EDAR: variants seen among roughly 807,000 people sequenced by gnomAD.
The protein encoded by EDAR is ectodysplasin A receptor.
EDAR carries 38 observed loss-of-function variants against 51.3 expected under a neutral mutation model. The observed-to-expected ratio is 0.74, with a 90% CI of 0.57 to 0.97. The LOEUF is 0.97. Among genes scored for constraint, EDAR ranks in the 50% least tolerant of loss-of-function variants. The pLI, the probability that EDAR is intolerant of heterozygous loss-of-function variation, is 0.00. For missense variants in EDAR, 528 were observed against 595.0 expected (o/e 0.89, Z 1.17); for synonymous variants, 227 against 242.1 (o/e 0.94, Z 0.58).
In EDAR at chr2:108,908,000, C is replaced by T; in HGVS notation, c.823G>A (p.Glu275Lys). The T allele has an allele frequency of 6.2e-7, 1 of 1,610,012 alleles. No individual in the cohort carries two copies. The highest frequency in any genetic ancestry group is 8.5e-7 in the Non-Finnish European group (1 of 1,176,852). ...PTKSENDASS[E>K]NEQLLSRSVD... ...CTCCGGCTCAGCAGCTGCTCATTCT[C>T]GGATGAGGCATCGTTCTCGCTGCAA... Residue 275 changes from glutamate (E) to lysine (K), a missense_variant, in exon 10 of 12, where the codon GAG (glutamate) becomes AAG (lysine). Transcript: ENST00000258443.
chr2:108,957,266 G>A (rs260706), intron 1 of EDAR, among the ~76,000 whole-genome samples: 11,710 of 152,206 alleles, frequency 0.077, 821 homozygotes, highest in African/African-American at 0.19. Context: ...CCTTCGCTTC[G>A]TGAGACAGAT....
intron 1 of EDAR, among the ~76,000 whole-genome samples, chr2:108,966,458 T>C (rs979887505): frequency 2.6e-5 from 4 of 152,224 alleles, no homozygotes; most frequent in Admixed American, 2.0e-4. Context: ...GGAAGGCCTA[T>C]GCCTCATCTC....
At chr2:108,906,803 C>T (rs1031359569) in intron 10 of EDAR, among the ~76,000 whole-genome samples, 1 of 152,232 alleles carries the variant, frequency 6.6e-6, no homozygotes, top group Non-Finnish European at 1.5e-5. Context: ...AGTCCCGGGG[C>T]CATGGCCACC....
At chr2:108,908,798 A>G (rs1696860433) in intron 9 of EDAR, among the ~76,000 whole-genome samples, 1 of 152,220 alleles carries the variant, frequency 6.6e-6, no homozygotes, top group South Asian at 2.1e-4. Context: ...TTTCTTAAAA[A>G]AAGGATTATA....
intron 5 of EDAR, among the ~76,000 whole-genome samples, chr2:108,918,741 A>G (rs1022038818): frequency 2.6e-5 from 4 of 152,178 alleles, no homozygotes; most frequent in African/African-American, 9.6e-5. Context: ...TACAGCCACA[A>G]TAGCTCATAT....
Position 108,910,983 on chromosome 2 carries a change from T to A in EDAR, c.619A>T (p.Met207Leu). 1 of 1,614,034 alleles carries A rather than the reference T, an allele frequency of 6.2e-7. No individual in the cohort carries two copies. The highest frequency in any genetic ancestry group is 1.1e-5 in the South Asian group (1 of 91,070). Residue 207 changes from methionine (M) to leucine (L), a missense_variant, in exon 7 of 12, where the codon ATG becomes TTG. Met to Leu is a conservative substitution (Grantham distance 15). Transcript: ENST00000258443. ...IMAIAIVLII[M>L]FYILKTKPSA... ...GGCTTTGTCTTCAGGATGTAGAACATGATGATGAGGACGATGGCGATGGCC... is the reference window on the plus strand; with the variant it reads ...GGCTTTGTCTTCAGGATGTAGAACAAGATGATGAGGACGATGGCGATGGCC...
chr2:108,983,190 T>C (rs1442738126), intron 1 of EDAR, among the ~76,000 whole-genome samples: 1 of 152,226 alleles, frequency 6.6e-6, no homozygotes, highest in East Asian at 1.9e-4. Flanking sequence ...AACAAACACA[T>C]CCCCAAAGTG....
Position 108,907,971 on chromosome 2 carries a change from G to C in EDAR, c.852C>G (p.Val284=). 1 of 1,613,116 alleles carries C rather than the reference G, an allele frequency of 6.2e-7. No individual in the cohort carries two copies. The highest frequency in any genetic ancestry group is 1.1e-5 in the South Asian group (1 of 91,054). The change falls in exon 10 of 12, where the codon GTC becomes GTG. Residue 284 remains valine (V), a synonymous_variant. Transcript: ENST00000258443. The part of the protein sequence containing the change: ...SENEQLLSRS[V]DSDEEPAPDK... ...CAGGGGCGGGCTCCTCATCACTGTC[G>C]ACGCTCCGGCTCAGCAGCTGCTCAT...
intron 1 of EDAR, among the ~76,000 whole-genome samples, chr2:108,955,861 C>T (rs1697913170): frequency 6.6e-6 from 1 of 151,910 alleles, no homozygotes; most frequent in African/African-American, 2.4e-5. Flanking sequence ...ACTGTCTGTA[C>T]TAAAAAAAAT....
chr2:108,910,890 C>T (rs767662584), intron 7 of EDAR, 40 bp from the exon 8 acceptor site: 2 of 1,614,026 alleles, frequency 1.2e-6, no homozygotes, highest in Non-Finnish European at 1.7e-6. Flanking sequence ...GGCTCTCCGA[C>T]AGGGGGAGTT....
intron 1 of EDAR, among the ~76,000 whole-genome samples, chr2:108,987,641 T>C (rs1698518945): frequency 6.6e-6 from 1 of 152,234 alleles, no homozygotes; most frequent in South Asian, 2.1e-4. Flanking sequence ...ATCCTCCAAC[T>C]GTGCTGTCAC....
intron 1 of EDAR, among the ~76,000 whole-genome samples, chr2:108,937,668 GTGAGTA>G (rs1697501357): frequency 6.6e-6 from 1 of 151,726 alleles, no homozygotes; most frequent in Non-Finnish European, 1.5e-5. Context: ...GTTTATATGT[GTGAGTA>G]TAAGTGTATG....
intron 3 of EDAR, 31 bp from the exon 4 acceptor site, chr2:108,929,410 G>A (rs768175502): frequency 7.4e-6 from 12 of 1,611,654 alleles, no homozygotes; most frequent in Non-Finnish European, 8.5e-7. Context: ...GGGGACACAG[G>A]TGAGTGCAGC....
At chr2:108,944,287 T>C (rs1697670346) in intron 1 of EDAR, among the ~76,000 whole-genome samples, 2 of 152,206 alleles carry the variant, frequency 1.3e-5, no homozygotes, top group African/African-American at 4.8e-5. Context: ...CAAATTTTTG[T>C]ATTTTTAGTA....
chr2:108,936,605 C>T (rs550863321), intron 1 of EDAR, among the ~76,000 whole-genome samples: 43 of 152,276 alleles, frequency 2.8e-4, no homozygotes, highest in African/African-American at 8.9e-4. Context: ...AGTACTCCCC[C>T]GCCTCCCTGA....
intron 5 of EDAR, among the ~76,000 whole-genome samples, chr2:108,913,681 G>A (rs559253351): frequency 1.1e-4 from 16 of 152,240 alleles, no homozygotes; most frequent in Admixed American, 3.3e-4. Flanking sequence ...CTATCTTTAC[G>A]TAGTATGGGT....
At position 108,931,378 on chromosome 2, in the gene EDAR, G is replaced by T. The variant is rs148663951; in HGVS notation, c.-18-346C>A. Among the ~76,000 whole-genome samples the T allele has an allele frequency of 2.5e-4, 38 of 152,334 alleles. 1 individual carries two copies. The highest frequency in any genetic ancestry group is 3.4e-3 in the Middle Eastern group (1 of 294). On this transcript the variant is annotated intron_variant, in intron 1 of 11. Transcript: ENST00000258443. ...GAGCTTTAAGTCTGGAGTCCTCCAG[G>T]CCAGTCCTGGCCTCTGGGCTCCAGG...
chr2:108,907,214 G>A (rs971047070), intron 10 of EDAR, among the ~76,000 whole-genome samples: 1 of 152,228 alleles, frequency 6.6e-6, no homozygotes, highest in African/African-American at 2.4e-5. Context: ...TTGTGTGTGT[G>A]TGTGTCTAGA....
chr2:108,982,138 C>G (rs1698430782), intron 1 of EDAR, among the ~76,000 whole-genome samples: 1 of 152,238 alleles, frequency 6.6e-6, no homozygotes, highest in Non-Finnish European at 1.5e-5. Context: ...GGGGCCAGGT[C>G]TTTTATTTCT....
Sources: allele counts gnomAD v4.1 joint callset (sites outside exome capture counted in the v4.1 genomes callset), GRCh38; gene constraint gnomAD v4.1.1; transcripts MANE v1.5; gene names NCBI Gene and HGNC (gene_info 2026-07-23, HGNC 2026-07-21).